ESRRG: variants seen among roughly 807,000 people sequenced by gnomAD.
ESRRG encodes the protein estrogen related receptor gamma.
In ESRRG, 13 loss-of-function variants were observed where a neutral mutation model predicts 44.0. The observed-to-expected ratio is 0.30, with a 90% confidence interval of 0.19 to 0.47. ESRRG has a LOEUF of 0.47. ESRRG is among the 20% of genes least tolerant of loss of function. The probability of loss-of-function intolerance (pLI) is 1.00; values close to 1 mark genes in which losing one functional copy is unlikely to be tolerated. For missense variants in ESRRG, 395 were observed against 580.6 expected, an observed-to-expected ratio of 0.68 and a Z score of 3.29; for synonymous variants, 215 against 214.6, an observed-to-expected ratio of 1.00 and a Z score of -0.02.
chr1:216,659,253 C>A (rs1038864119), intron 2 of ESRRG, among the ~76,000 whole-genome samples: 12 of 152,124 alleles, frequency 7.9e-5, no homozygotes, highest in African/African-American at 2.9e-4. Context: ...CAGATTTATA[C>A]AAGGATGTGA....
chr1:216,911,880 G>A (rs949420386), intron 2 of ESRRG, among the ~76,000 whole-genome samples: 3 of 151,728 alleles, frequency 2.0e-5, no homozygotes, highest in Non-Finnish European at 4.4e-5. Context: ...GATCAGCCTG[G>A]GCAACATGGT....
At chr1:217,061,061 C>CT (rs965688679) in intron 1 of ESRRG, among the ~76,000 whole-genome samples, 2 of 151,672 alleles carry the variant, frequency 1.3e-5, no homozygotes, top group Non-Finnish European at 2.9e-5. Flanking sequence ...TGGATTTGTG[C>CT]TTTTTTCCCC....
chr1:216,850,756 T>C (rs148606313), intron 2 of ESRRG, among the ~76,000 whole-genome samples: 2 of 151,990 alleles, frequency 1.3e-5, no homozygotes, highest in South Asian at 4.2e-4. Context: ...TTTTACAAAA[T>C]GGAAATAAGA....
intron 1 of ESRRG, among the ~76,000 whole-genome samples, chr1:217,033,232 C>T (rs1405327447): frequency 2.0e-5 from 3 of 152,150 alleles, no homozygotes; most frequent in Non-Finnish European, 2.9e-5. Context: ...TAGCCCTTCT[C>T]CTCTTTGCAG....
chr1:216,940,889 G>C (rs1190991135), intron 1 of ESRRG, among the ~76,000 whole-genome samples: 1 of 152,184 alleles, frequency 6.6e-6, no homozygotes, highest in Non-Finnish European at 1.5e-5. Context: ...ATGCTAAACA[G>C]AAGCTATTTG....
intron 1 of ESRRG, 28 bp downstream of exon 1, chr1:216,723,213 AGTT>A: frequency 1.4e-6 from 2 of 1,392,444 alleles, no homozygotes; most frequent in Non-Finnish European, 2.0e-6. Context: ...CCCCACGACG[AGTT>A]TAAAAAGGAA....
At chr1:217,036,323 A>G (rs1322529059) in intron 1 of ESRRG, among the ~76,000 whole-genome samples, 3 of 152,228 alleles carry the variant, frequency 2.0e-5, no homozygotes, top group Non-Finnish European at 4.4e-5. Flanking sequence ...ATATACCCAA[A>G]GGAATATATA....
chr1:217,106,630 A>C (rs576755817), intron 1 of ESRRG, among the ~76,000 whole-genome samples: 2 of 152,316 alleles, frequency 1.3e-5, no homozygotes, highest in African/African-American at 2.4e-5. Flanking sequence ...AAATTCCCTT[A>C]GCAGTCTTCT....
chr1:216,617,246 C>A (rs570631159), intron 3 of ESRRG, among the ~76,000 whole-genome samples: 1 of 152,026 alleles, frequency 6.6e-6, no homozygotes, highest in African/African-American at 2.4e-5. Context: ...CCAAACCAAA[C>A]GCCACTTGAG....
At chr1:216,988,445 A>G in intron 1 of ESRRG, among the ~76,000 whole-genome samples, 1 of 152,214 alleles carries the variant, frequency 6.6e-6, no homozygotes, top group South Asian at 2.1e-4. Flanking sequence ...TGAACACAGG[A>G]ACTCAGCAGC....
intron 1 of ESRRG, among the ~76,000 whole-genome samples, chr1:216,980,290 T>C (rs1407248642): frequency 6.6e-6 from 1 of 152,146 alleles, no homozygotes. Flanking sequence ...CACAATCCTA[T>C]TGTATAAGTT....
intron 1 of ESRRG, among the ~76,000 whole-genome samples, chr1:217,133,534 CT>C (rs1320945922): frequency 6.6e-6 from 1 of 152,252 alleles, no homozygotes; most frequent in Admixed American, 6.5e-5. Flanking sequence ...AACTCCTTCA[CT>C]CTTGAAAGTC....
chr1:216,769,637 A>G (rs1028233750), intron 2 of ESRRG, among the ~76,000 whole-genome samples: 1 of 152,144 alleles, frequency 6.6e-6, no homozygotes, highest in Non-Finnish European at 1.5e-5. Flanking sequence ...GTTTACTTCA[A>G]TAGAGTGAGA....
At chr1:216,717,651 A>G (rs918303149) in intron 1 of ESRRG, among the ~76,000 whole-genome samples, 2 of 151,886 alleles carry the variant, frequency 1.3e-5, no homozygotes, top group Admixed American at 6.6e-5. Flanking sequence ...GCAATTGCAT[A>G]AGTGCTTTCT....
intron 2 of ESRRG, among the ~76,000 whole-genome samples, chr1:216,817,235 A>G (rs1257731034): frequency 6.6e-6 from 1 of 152,190 alleles, no homozygotes; most frequent in Admixed American, 6.5e-5. Flanking sequence ...GAGCTACCAG[A>G]TGCAAATGAA....
chr1:217,114,380 C>A (rs1368280233), intron 1 of ESRRG, among the ~76,000 whole-genome samples: 1 of 151,980 alleles, frequency 6.6e-6, no homozygotes, highest in East Asian at 1.9e-4. Flanking sequence ...TGCATTCTTG[C>A]TGCACAGCAA....
intron 3 of ESRRG, among the ~76,000 whole-genome samples, chr1:216,622,497 C>T (rs1261272376): frequency 6.6e-6 from 1 of 152,122 alleles, no homozygotes; most frequent in African/African-American, 2.4e-5. Context: ...TTGAAATTCC[C>T]TCACATGTTA....
chr1:216,963,665 G>T (rs144805186), intron 1 of ESRRG, among the ~76,000 whole-genome samples: 7 of 152,130 alleles, frequency 4.6e-5, no homozygotes, highest in Non-Finnish European at 1.0e-4. Context: ...ATTAAGCCAC[G>T]CAGTGGTGTC....
At chr1:217,080,628 T>C (rs959492376) in intron 1 of ESRRG, among the ~76,000 whole-genome samples, 2 of 145,796 alleles carry the variant, frequency 1.4e-5, no homozygotes, top group Non-Finnish European at 3.1e-5. Flanking sequence ...CAGTTTCTAG[T>C]GTTTTTTTGT....
Sources: allele counts gnomAD v4.1 joint callset (sites outside exome capture counted in the v4.1 genomes callset), GRCh38; gene constraint gnomAD v4.1.1; transcripts MANE v1.5; gene names NCBI Gene and HGNC (gene_info 2026-07-23, HGNC 2026-07-21).